Variants in FHIP1A observed in about 807,000 individuals in gnomAD.
The protein encoded by FHIP1A is FHF complex subunit HOOK-interacting protein 1A.
In FHIP1A, 61 loss-of-function variants were observed where a neutral mutation model predicts 88.6. That is an observed-to-expected ratio of 0.69 (90% confidence interval 0.56 to 0.85). The LOEUF (loss-of-function observed/expected upper bound fraction) is 0.85, where lower values mean the gene tolerates loss of function less well. Among genes scored for constraint, FHIP1A ranks in the 40% least tolerant of loss-of-function variants. The probability of loss-of-function intolerance (pLI) is 0.00; values close to 1 mark genes in which losing one functional copy is unlikely to be tolerated. For missense variants in FHIP1A, 1,154 were observed against 1,273.5 expected, an observed-to-expected ratio of 0.91 and a Z score of 1.43; for synonymous variants, 478 against 496.0, an observed-to-expected ratio of 0.96 and a Z score of 0.48.
chr4:151,488,332 C>G (rs1730158605), intron 3 of FHIP1A, among the ~76,000 whole-genome samples: 1 of 152,172 alleles, frequency 6.6e-6, no homozygotes, highest in Non-Finnish European at 1.5e-5. Context: ...CTCACTCTCT[C>G]TCCACTCTAA....
intron 3 of FHIP1A, among the ~76,000 whole-genome samples, chr4:151,539,760 T>C (rs968976915): frequency 6.6e-6 from 1 of 152,108 alleles, no homozygotes; most frequent in African/African-American, 2.4e-5. Flanking sequence ...TGCTGAGTTG[T>C]GTGCATTGTT....
At chr4:151,434,077 G>A (rs886668431) in intron 1 of FHIP1A, among the ~76,000 whole-genome samples, 8 of 152,270 alleles carry the variant, frequency 5.3e-5, no homozygotes, top group African/African-American at 1.7e-4. Context: ...TCATGTTTAC[G>A]TTTTCACCTT....
intron 3 of FHIP1A, among the ~76,000 whole-genome samples, chr4:151,524,172 C>T (rs1421037561): frequency 6.6e-6 from 1 of 151,956 alleles, no homozygotes; most frequent in Non-Finnish European, 1.5e-5. Flanking sequence ...CGTGGTGGCA[C>T]GCGCCTGTAA....
At chr4:151,642,344 C>A (rs936918662) in intron 9 of FHIP1A, among the ~76,000 whole-genome samples, 1 of 152,114 alleles carries the variant, frequency 6.6e-6, no homozygotes, top group Non-Finnish European at 1.5e-5. Context: ...GGTTTATGAA[C>A]TGTCTTGCCT....
intron 2 of FHIP1A, among the ~76,000 whole-genome samples, chr4:151,471,987 A>G (rs554142576): frequency 7.6e-4 from 115 of 152,260 alleles, no homozygotes; most frequent in African/African-American, 2.5e-3. Flanking sequence ...CATGGCATAT[A>G]TACCACAGTT....
chr4:151,657,131 G>C (rs578148124), intron 13 of FHIP1A, among the ~76,000 whole-genome samples: 2 of 152,256 alleles, frequency 1.3e-5, no homozygotes, highest in South Asian at 4.1e-4. Context: ...AGGGGATTTT[G>C]TTTTTTTAAC....
intron 3 of FHIP1A, among the ~76,000 whole-genome samples, chr4:151,527,422 G>C (rs1731717406): frequency 6.6e-6 from 1 of 152,214 alleles, no homozygotes; most frequent in South Asian, 2.1e-4. Flanking sequence ...CACTCGGCAG[G>C]CTGAGGCAGG....
At chr4:151,434,864 C>G (rs1733740791) in intron 1 of FHIP1A, among the ~76,000 whole-genome samples, 1 of 152,116 alleles carries the variant, frequency 6.6e-6, no homozygotes, top group African/African-American at 2.4e-5. Context: ...CCAATCATTC[C>G]TTGATTCTGT....
In FHIP1A at chr4:151,577,684, A is replaced by C. The variant is rs1378966102; in HGVS notation, c.340A>C (p.Thr114Pro). The change falls in exon 5 of 14, where the codon ACT (threonine) becomes CCT (proline). Residue 114 changes from threonine (T) to proline (P), a missense_variant. By Grantham distance (38) the Thr-to-Pro change is conservative (BLOSUM62 -1). Transcript: ENST00000435205. Reference protein sequence around the residue: ...WSLRREFTDETKIEQLKMYEM... With the variant: ...WSLRREFTDEPKIEQLKMYEM... ...CTTGAGAAGGGAGTTTACTGATGAG[A>C]CTAAAATTGAGCAGCTAAAGATGTA... The C allele has an allele frequency of 1.4e-5, 21 of 1,551,508 alleles. No individual in the cohort carries two copies. The highest frequency in any genetic ancestry group is 1.8e-5 in the Non-Finnish European group (21 of 1,146,974).
intron 1 of FHIP1A, among the ~76,000 whole-genome samples, chr4:151,427,583 G>GACT (rs1337328540): frequency 6.6e-6 from 1 of 151,998 alleles, no homozygotes; most frequent in African/African-American, 2.4e-5. Flanking sequence ...CTGTAAGGAT[G>GACT]ACTACATTTT....
At chr4:151,540,935 T>C (rs942733557) in intron 3 of FHIP1A, among the ~76,000 whole-genome samples, 1 of 152,198 alleles carries the variant, frequency 6.6e-6, no homozygotes, top group African/African-American at 2.4e-5. Context: ...AAAATTTTCC[T>C]TATCTTGACT....
At chr4:151,411,593 G>A (rs910858667) in intron 1 of FHIP1A, among the ~76,000 whole-genome samples, 3 of 152,128 alleles carry the variant, frequency 2.0e-5, no homozygotes, top group East Asian at 1.9e-4. Context: ...CAAGCAATCC[G>A]CCTGCCTTGG....
rs1175796295 is a variant in FHIP1A, at chr4:151,665,158, G to T, written c.*2404G>T. Among the ~76,000 whole-genome samples, 1 of 152,042 alleles carries T rather than the reference G, an allele frequency of 6.6e-6. No homozygotes were observed. Among genetic ancestry groups the T allele is most frequent in the East Asian group, 1.9e-4 (1 of 5,182 alleles). On this transcript the variant is annotated 3_prime_UTR_variant, in exon 14 of 14. Coordinates refer to ENST00000435205, the MANE Select transcript of FHIP1A (RefSeq NM_001109977.3). ...CCCAGCTAACTTTTTGGTATAGTTT[G>T]TAGAGATGGGGTTTCACCTTGTTGC...
Position 151,638,315 on chromosome 4 carries a change from T to TTGTGTGTGTGTGTGTGTGTGTG in FHIP1A, c.1147-352_1147-331dup, listed in dbSNP as rs146664249. 8.5e-3 allele frequency among the ~76,000 whole-genome samples: 1,223 copies of TTGTGTGTGTGTGTGTGTGTGTG among 143,772 alleles called. 14 individuals are homozygous for TTGTGTGTGTGTGTGTGTGTGTG. The highest frequency in any genetic ancestry group is 0.018 in the Middle Eastern group (5 of 278). The allele number at this position is 143,772 out of a possible 152,430, so 94.3% of individuals were successfully genotyped here. A position where few individuals can be genotyped will look rare whatever the true frequency, so the allele number is the denominator to read the frequency against. On this transcript the variant is annotated intron_variant, in intron 8 of 13. Coordinates refer to ENST00000435205, the MANE Select transcript of FHIP1A (RefSeq NM_001109977.3). The stretch of plus-strand genomic sequence containing the variant: ...GAAAACAAATTACCTAAATAGGAGA[T>TTGTGTGTGTGTGTGTGTGTGTG]TGTGTGTGTGTGTGTGTGTGTGTGT...
chr4:151,645,634 C>G (rs963238399), intron 9 of FHIP1A, among the ~76,000 whole-genome samples: 1 of 151,154 alleles, frequency 6.6e-6, no homozygotes, highest in African/African-American at 2.4e-5. Flanking sequence ...AGGGATTAGG[C>G]TCATCTGCAA....
intron 1 of FHIP1A, among the ~76,000 whole-genome samples, chr4:151,411,186 A>G (rs2126498443): frequency 6.6e-6 from 1 of 152,242 alleles, no homozygotes; most frequent in Middle Eastern, 3.4e-3. Context: ...TCTGCCTCCC[A>G]AGATTGGTTC....
At chr4:151,577,345 A>G in intron 4 of FHIP1A, 105 bp from the exon 5 acceptor site, 2 of 1,022,304 alleles carry the variant, frequency 2.0e-6, no homozygotes, top group South Asian at 1.7e-5. Context: ...TCTTGTGGGC[A>G]GTGGCTCCTG....
At chr4:151,527,471 G>A (rs1323592590) in intron 3 of FHIP1A, among the ~76,000 whole-genome samples, 1 of 152,140 alleles carries the variant, frequency 6.6e-6, no homozygotes, top group African/African-American at 2.4e-5. Context: ...CGAGATGGCA[G>A]CAGTACCGTC....
chr4:151,538,587 A>G (rs1732155369), intron 3 of FHIP1A, among the ~76,000 whole-genome samples: 1 of 152,208 alleles, frequency 6.6e-6, no homozygotes, highest in Non-Finnish European at 1.5e-5. Flanking sequence ...TCTCCATGGT[A>G]AGTGAGCTCT....
Sources: allele counts gnomAD v4.1 joint callset (sites outside exome capture counted in the v4.1 genomes callset), GRCh38; gene constraint gnomAD v4.1.1; transcripts MANE v1.5; gene names NCBI Gene and HGNC (gene_info 2026-07-23, HGNC 2026-07-21).